The following CADM2 variants were observed in gnomAD, a reference collection of about 807,000 sequenced individuals.
CADM2 encodes cell adhesion molecule 2, also known as immunoglobulin superfamily member 4D.
CADM2 carries 12 observed loss-of-function variants against 49.8 expected under a neutral mutation model. The observed-to-expected ratio is 0.24, with a 90% CI of 0.15 to 0.39. The LOEUF (loss-of-function observed/expected upper bound fraction) is 0.39. CADM2 is among the 10% of genes least tolerant of loss of function. The pLI is 1.00. For synonymous variants in CADM2, 214 were observed against 175.4 expected, an observed-to-expected ratio of 1.22 and a Z score of -1.74; for missense variants, 378 against 492.3, an observed-to-expected ratio of 0.77 and a Z score of 2.20.
At chr3:85,189,542 T>C (rs1340708116) in intron 1 of CADM2, among the ~76,000 whole-genome samples, 2 of 152,202 alleles carry the variant, frequency 1.3e-5, no homozygotes, top group Non-Finnish European at 2.9e-5. Context: ...ACAAATGATG[T>C]AAAACAACTT....
At chr3:85,318,947 TCTTAA>T (rs2044536020) in intron 1 of CADM2, among the ~76,000 whole-genome samples, 2 of 152,196 alleles carry the variant, frequency 1.3e-5, no homozygotes, top group Non-Finnish European at 2.9e-5. Flanking sequence ...ACGTTCGGGC[TCTTAA>T]CTTGAGATTA....
At chr3:85,413,855 C>T (rs2035790579) in intron 1 of CADM2, among the ~76,000 whole-genome samples, 1 of 151,760 alleles carries the variant, frequency 6.6e-6, no homozygotes, top group Non-Finnish European at 1.5e-5. Flanking sequence ...AGCTAGAAAA[C>T]TGGCTAGCTA....
chr3:85,901,217 A>AG (rs1716077291), intron 5 of CADM2, among the ~76,000 whole-genome samples: 1 of 152,116 alleles, frequency 6.6e-6, no homozygotes, highest in South Asian at 2.1e-4. Context: ...CAAAGCAAAA[A>AG]CAAACAAACA....
intron 1 of CADM2, among the ~76,000 whole-genome samples, chr3:85,543,231 T>G (rs2061584289): frequency 9.9e-6 from 1 of 100,832 alleles, no homozygotes; most frequent in South Asian, 2.9e-4. Context: ...CACAACTCTT[T>G]TTATTTATTT....
intron 8 of CADM2, among the ~76,000 whole-genome samples, chr3:86,046,255 C>T (rs1736669859): frequency 6.6e-6 from 1 of 151,814 alleles, no homozygotes; most frequent in Non-Finnish European, 1.5e-5. Context: ...TTACATGTGC[C>T]TTTTGTAAAC....
At chr3:85,683,350 T>C (rs2107662291) in intron 1 of CADM2, among the ~76,000 whole-genome samples, 1 of 152,314 alleles carries the variant, frequency 6.6e-6, no homozygotes, top group Non-Finnish European at 1.5e-5. Context: ...TTGTCTGATT[T>C]GCTTATGCTG....
rs556470128 is a variant in CADM2 at position 85,400,280 on chromosome 3, T to C, written c.62-326242T>C. Among the ~76,000 whole-genome samples, 3 of 152,334 alleles carry C rather than the reference T, an allele frequency of 2.0e-5. No homozygotes were observed. In the South Asian group the frequency reaches 6.2e-4, roughly 32 times the overall value. ...TGATTTGCATATGTTGAACCAGCCTTGCATCCCAGGGACGAAGCCCACTTG... is the reference window on the plus strand; with the variant it reads ...TGATTTGCATATGTTGAACCAGCCTCGCATCCCAGGGACGAAGCCCACTTG... On this transcript the variant is annotated intron_variant, in intron 1 of 9. Transcript: ENST00000383699.
chr3:85,490,230 T>A (rs1264108618), intron 1 of CADM2, among the ~76,000 whole-genome samples: 1 of 152,126 alleles, frequency 6.6e-6, no homozygotes, highest in East Asian at 1.9e-4. Context: ...TGGATTAGGC[T>A]ATAGAAGCAA....
At chr3:85,161,191 T>TTA (rs2040310594) in intron 1 of CADM2, among the ~76,000 whole-genome samples, 1 of 152,214 alleles carries the variant, frequency 6.6e-6, no homozygotes, top group Non-Finnish European at 1.5e-5. Context: ...GAAATGAATT[T>TTA]TAGTCTATTA....
intron 8 of CADM2, among the ~76,000 whole-genome samples, chr3:86,027,211 T>G (rs1037285941): frequency 1.3e-5 from 2 of 152,206 alleles, no homozygotes; most frequent in African/African-American, 4.8e-5. Flanking sequence ...TATTTCACTA[T>G]TCTTTCCACA....
At chr3:86,016,188 T>C (rs1016457179) in intron 8 of CADM2, among the ~76,000 whole-genome samples, 16 of 152,026 alleles carry the variant, frequency 1.1e-4, no homozygotes, top group African/African-American at 3.6e-4. Context: ...AGTACATAAA[T>C]GGAAATTTAT....
At chr3:85,528,780 A>G (rs1273169518) in intron 1 of CADM2, among the ~76,000 whole-genome samples, 1 of 152,196 alleles carries the variant, frequency 6.6e-6, no homozygotes, top group Non-Finnish European at 1.5e-5. Context: ...CACTAATCCC[A>G]GATTTAGAGA....
chr3:85,834,992 G>A (rs996253829), intron 3 of CADM2, among the ~76,000 whole-genome samples: 4 of 151,630 alleles, frequency 2.6e-5, no homozygotes, highest in East Asian at 1.9e-4. Flanking sequence ...ATGTGAGTGT[G>A]CTTGCACACG....
At chr3:85,684,891 A>G (rs1156479591) in intron 1 of CADM2, among the ~76,000 whole-genome samples, 2 of 152,194 alleles carry the variant, frequency 1.3e-5, no homozygotes, top group Non-Finnish European at 2.9e-5. Flanking sequence ...AACACAGCCA[A>G]ACCAAATCAT....
chr3:85,540,959 GGTCCC>G (rs1240878765), intron 1 of CADM2, among the ~76,000 whole-genome samples: 17 of 151,816 alleles, frequency 1.1e-4, no homozygotes, highest in Non-Finnish European at 2.5e-4. Flanking sequence ...ATTGGATCAG[GGTCCC>G]ACCTTTCTTT....
intron 1 of CADM2, among the ~76,000 whole-genome samples, chr3:85,360,552 T>A (rs962548457): frequency 6.6e-6 from 1 of 152,192 alleles, no homozygotes; most frequent in East Asian, 1.9e-4. Flanking sequence ...AATGAGTTAA[T>A]CAGTTTCCTT....
chr3:85,221,148 T>A (rs572545087), intron 1 of CADM2, among the ~76,000 whole-genome samples: 1 of 152,156 alleles, frequency 6.6e-6, no homozygotes, highest in Non-Finnish European at 1.5e-5. Flanking sequence ...CGATACACTT[T>A]TTTCCAAATG....
At chr3:85,934,274 A>C (rs979652388) in intron 6 of CADM2, among the ~76,000 whole-genome samples, 1 of 152,114 alleles carries the variant, frequency 6.6e-6, no homozygotes, top group Non-Finnish European at 1.5e-5. Context: ...TGTCATCTTC[A>C]TAATTATTAA....
chr3:85,583,158 C>A (rs973288335), intron 1 of CADM2, among the ~76,000 whole-genome samples: 9 of 152,058 alleles, frequency 5.9e-5, no homozygotes, highest in African/African-American at 1.9e-4. Context: ...TCCTACATGT[C>A]TTTAGTACCA....
Sources: allele counts gnomAD v4.1 joint callset (sites outside exome capture counted in the v4.1 genomes callset), GRCh38; gene constraint gnomAD v4.1.1; transcripts MANE v1.5; gene names NCBI Gene and HGNC (gene_info 2026-07-23, HGNC 2026-07-21).